ARHGAP31: variants seen among roughly 807,000 people sequenced by gnomAD.
The protein encoded by ARHGAP31 is Rho GTPase activating protein 31, also known as rho GTPase-activating protein 31.
ARHGAP31 carries 34 observed loss-of-function variants against 113.9 expected under a neutral mutation model. The observed-to-expected ratio is 0.30, with a 90% CI of 0.23 to 0.40. The LOEUF is 0.40. ARHGAP31 is among the 10% of genes least tolerant of loss of function. The probability of loss-of-function intolerance (pLI) is 1.00; values close to 1 mark genes in which losing one functional copy is unlikely to be tolerated. For missense variants in ARHGAP31, 1,548 were observed against 1,767.1 expected, an observed-to-expected ratio of 0.88 and a Z score of 2.22; for synonymous variants, 650 against 684.8, an observed-to-expected ratio of 0.95 and a Z score of 0.79.
chr3:119,364,169 G>T (rs925073324), intron 1 of ARHGAP31, among the ~76,000 whole-genome samples: 1 of 139,222 alleles, frequency 7.2e-6, no homozygotes, highest in African/African-American at 2.7e-5. Context: ...AGGAGGCCCT[G>T]TCGGTCCCTT....
At chr3:119,402,440 A>G in intron 10 of ARHGAP31, 43 bp downstream of exon 10, 1 of 1,595,108 alleles carries the variant, frequency 6.3e-7, no homozygotes, top group South Asian at 1.1e-5. Flanking sequence ...CAAGAGAGAA[A>G]AACCAGACTT....
intron 3 of ARHGAP31, among the ~76,000 whole-genome samples, chr3:119,373,097 C>CA (rs2080315959): frequency 1.3e-5 from 2 of 151,962 alleles, no homozygotes; most frequent in African/African-American, 4.8e-5. Flanking sequence ...AAAAAAGTCA[C>CA]AAAAAACAAA....
chr3:119,367,598 C>A (rs2080260718), intron 2 of ARHGAP31, among the ~76,000 whole-genome samples: 1 of 152,062 alleles, frequency 6.6e-6, no homozygotes, highest in Admixed American at 6.6e-5. Flanking sequence ...GTGGCTCACG[C>A]CTGTAATCTC....
chr3:119,346,275 A>T (rs1455221755), intron 1 of ARHGAP31, among the ~76,000 whole-genome samples: 1 of 152,262 alleles, frequency 6.6e-6, no homozygotes, highest in African/African-American at 2.4e-5. Context: ...AACAGGAATC[A>T]TGAGATCTTT....
At chr3:119,296,920 C>T (rs2107590213) in intron 1 of ARHGAP31, among the ~76,000 whole-genome samples, 1 of 152,246 alleles carries the variant, frequency 6.6e-6, no homozygotes, top group African/African-American at 2.4e-5. Flanking sequence ...GTTCCTCTGC[C>T]CTCCCTGGCT....
At chr3:119,307,039 G>A (rs1255797099) in intron 1 of ARHGAP31, among the ~76,000 whole-genome samples, 2 of 122,278 alleles carry the variant, frequency 1.6e-5, no homozygotes, top group African/African-American at 3.5e-5. Flanking sequence ...AACTAAGTCT[G>A]TTAGTTTTTT....
At chr3:119,296,801 G>A (rs188918864) in intron 1 of ARHGAP31, among the ~76,000 whole-genome samples, 4 of 152,110 alleles carry the variant, frequency 2.6e-5, no homozygotes, top group Admixed American at 6.5e-5. Flanking sequence ...CCAGTACCCC[G>A]GGTTCCCCAC....
intron 1 of ARHGAP31, among the ~76,000 whole-genome samples, chr3:119,302,962 A>G (rs1409920592): frequency 6.6e-6 from 1 of 152,210 alleles, no homozygotes; most frequent in Non-Finnish European, 1.5e-5. Flanking sequence ...TTTGAAGCCC[A>G]GCCAGACCCT....
At chr3:119,336,841 A>T (rs960159732) in intron 1 of ARHGAP31, among the ~76,000 whole-genome samples, 1 of 152,176 alleles carries the variant, frequency 6.6e-6, no homozygotes, top group Non-Finnish European at 1.5e-5. Flanking sequence ...TCCCGGCCCT[A>T]AGAAACCATG....
Position 119,365,374 on chromosome 3 carries a change from A to T in ARHGAP31, c.159A>T (p.Gly53=). 1 of 1,614,156 alleles carries T rather than the reference A, an allele frequency of 6.2e-7. No homozygotes were observed. Among genetic ancestry groups the T allele is most frequent in the Non-Finnish European group, 8.5e-7 (1 of 1,180,026 alleles). The change falls in exon 2 of 12, where the codon GGA becomes GGT. Residue 53 remains glycine, a synonymous_variant. Coordinates refer to ENST00000264245, the MANE Select transcript of ARHGAP31 (RefSeq NM_020754.4). The part of the protein sequence containing the change: ...EFIETHGIVD[G]IYRLSGVTSN... Reference sequence around the variant, plus strand: ...TAGAGACTCACGGCATCGTGGATGGAATCTATCGGCTTTCAGGAGTCACCT... The same window carrying T: ...TAGAGACTCACGGCATCGTGGATGGTATCTATCGGCTTTCAGGAGTCACCT...
At chr3:119,351,409 G>A (rs573741829) in intron 1 of ARHGAP31, among the ~76,000 whole-genome samples, 1 of 152,234 alleles carries the variant, frequency 6.6e-6, no homozygotes, top group African/African-American at 2.4e-5. Flanking sequence ...ACTGGAAAGT[G>A]CATGAATTTT....
Position 119,416,087 on chromosome 3 carries a change from CCTT to C in ARHGAP31, c.4162_4164del (p.Leu1388del). 6.2e-7 allele frequency: 1 copy of C among 1,614,194 alleles called. No homozygotes were observed. The highest frequency in any genetic ancestry group is 8.5e-7 in the Non-Finnish European group (1 of 1,180,048). On this transcript the variant is annotated inframe_deletion, in exon 12 of 12. Coordinates refer to ENST00000264245, the MANE Select transcript of ARHGAP31 (RefSeq NM_020754.4). The stretch of plus-strand genomic sequence containing the variant: ...GTCCCACCCAGACAGTTTCCCCTGG[CCTT>C]CTTTGTGGAGAGTTGGCAGAAAACA...
chr3:119,375,372 C>T (rs1238530065), intron 3 of ARHGAP31, among the ~76,000 whole-genome samples: 2 of 152,194 alleles, frequency 1.3e-5, no homozygotes, highest in African/African-American at 4.8e-5. Context: ...ACTCCTGTCT[C>T]TGCCTCCAGG....
intron 1 of ARHGAP31, among the ~76,000 whole-genome samples, chr3:119,323,126 T>C (rs1269630897): frequency 6.6e-6 from 1 of 152,106 alleles, no homozygotes; most frequent in Non-Finnish European, 1.5e-5. Context: ...CGCCCAGCGG[T>C]TTCTGATCCC....
chr3:119,324,911 A>G (rs1034592334), intron 1 of ARHGAP31: 22 of 456,508 alleles, frequency 4.8e-5, no homozygotes, highest in African/African-American at 2.0e-5. Flanking sequence ...CGGAATGGCT[A>G]AATGAAGGTG....
chr3:119,296,534 G>A (rs1174280027), intron 1 of ARHGAP31, among the ~76,000 whole-genome samples: 1 of 152,180 alleles, frequency 6.6e-6, no homozygotes, highest in Non-Finnish European at 1.5e-5. Flanking sequence ...ATGCTCCTGG[G>A]ATGCCACCTT....
At chr3:119,396,111 T>C (rs1267297492) in intron 8 of ARHGAP31, among the ~76,000 whole-genome samples, 1 of 152,158 alleles carries the variant, frequency 6.6e-6, no homozygotes, top group South Asian at 2.1e-4. Context: ...AGGAAATAAG[T>C]GGTTTGCTTT....
At chr3:119,378,834 C>A (rs1577019686) in intron 3 of ARHGAP31, among the ~76,000 whole-genome samples, 1 of 152,198 alleles carries the variant, frequency 6.6e-6, no homozygotes, top group Admixed American at 6.5e-5. Flanking sequence ...TTACTGGAAG[C>A]CCCATTCTTG....
At chr3:119,387,273 C>A (rs926880627) in intron 6 of ARHGAP31, among the ~76,000 whole-genome samples, 8 of 152,228 alleles carry the variant, frequency 5.3e-5, no homozygotes, top group Non-Finnish European at 1.5e-5. Flanking sequence ...ACAGAAGGCT[C>A]GCACTCTTGT....
Sources: allele counts gnomAD v4.1 joint callset (sites outside exome capture counted in the v4.1 genomes callset), GRCh38; gene constraint gnomAD v4.1.1; transcripts MANE v1.5; gene names NCBI Gene and HGNC (gene_info 2026-07-23, HGNC 2026-07-21).